The following FAM20B variants were observed in gnomAD, a reference collection of about 807,000 sequenced individuals.
FAM20B encodes the protein glycosaminoglycan xylosylkinase.
Under a neutral mutation model 43.8 loss-of-function variants are expected in FAM20B, and 23 were observed. That is an observed-to-expected ratio of 0.53 (90% confidence interval 0.38 to 0.74). FAM20B has a LOEUF of 0.74. Ranked by LOEUF, FAM20B falls within the 30% of genes least tolerant of loss-of-function variation. The probability of loss-of-function intolerance (pLI) is 0.00; values close to 1 mark genes in which losing one functional copy is unlikely to be tolerated. For synonymous variants in FAM20B, 178 were observed against 192.4 expected (o/e 0.93, Z 0.62); for missense variants, 440 against 510.5 (o/e 0.86, Z 1.33).
the FAM20B span, among the ~76,000 whole-genome samples, chr1:179,020,303 T>C: frequency 6.6e-6 from 1 of 152,176 alleles, no homozygotes; most frequent in Non-Finnish European, 1.5e-5. Flanking sequence ...TTTCCCTTCA[T>C]GCCTGACAGC....
In FAM20B at chr1:179,054,613, G is replaced by C. The variant is rs745645111; in HGVS notation, c.549G>C (p.Gln183His). 15 of 1,610,878 alleles carry C rather than the reference G, an allele frequency of 9.3e-6. No individual in the cohort carries two copies. Among genetic ancestry groups the C allele is most frequent in the Non-Finnish European group, 1.7e-6 (2 of 1,177,494 alleles). Residue 183 changes from glutamine (Q) to histidine (H), a missense_variant, in exon 4 of 8, where the codon CAG (glutamine) becomes CAC (histidine). By Grantham distance (24) the Gln-to-His change is conservative. Coordinates refer to ENST00000263733, the MANE Select transcript of FAM20B (RefSeq NM_014864.4). ...RTEIKPVATE[Q>H]LLSTFLTVGN... is the part of the protein sequence containing the mutation. ...AGATCAAACCTGTCGCCACAGAGCAGCTGTTGAGCACCTTCCTAACTGTAG... is the reference window on the plus strand; with the variant it reads ...AGATCAAACCTGTCGCCACAGAGCACCTGTTGAGCACCTTCCTAACTGTAG...
chr1:179,048,226 A>G (rs757039320), intron 2 of FAM20B, among the ~76,000 whole-genome samples: 30 of 152,216 alleles, frequency 2.0e-4, no homozygotes, highest in African/African-American at 4.1e-4. Context: ...CTCAGGAAGT[A>G]CTAAAAGGGA....
At chr1:179,026,134 C>T (rs1649759355) in intron 1 of FAM20B, 36 bp downstream of exon 1, 1 of 146,246 alleles carries the variant, frequency 6.8e-6, no homozygotes, top group African/African-American at 2.5e-5. Context: ...GCGCGCGACC[C>T]CCGCCCCCGG....
At chr1:179,071,694 G>GTA (rs1651930028) in intron 7 of FAM20B, among the ~76,000 whole-genome samples, 1 of 152,176 alleles carries the variant, frequency 6.6e-6, no homozygotes, top group African/African-American at 2.4e-5. Flanking sequence ...GTGAACATGT[G>GTA]TGTAAATCTC....
upstream of FAM20B, among the ~76,000 whole-genome samples, chr1:179,024,674 C>A (rs1033279068): frequency 1.3e-5 from 2 of 152,236 alleles, no homozygotes. Flanking sequence ...TTAATGCTGC[C>A]TCCCTAACTA....
chr1:179,064,563 A>G, intron 6 of FAM20B, 67 bp downstream of exon 6: 1 of 1,252,718 alleles, frequency 8.0e-7, no homozygotes, highest in East Asian at 2.4e-5. Context: ...CATTTTCCAG[A>G]GCATCCTGGA....
intron 3 of FAM20B, among the ~76,000 whole-genome samples, chr1:179,052,601 T>A (rs6425516): frequency 6.6e-6 from 1 of 151,650 alleles, no homozygotes; most frequent in African/African-American, 2.4e-5. Flanking sequence ...GAATACAAAA[T>A]TCAAAGATAT....
chr1:179,050,757 C>CAT (rs1245561101), intron 3 of FAM20B, among the ~76,000 whole-genome samples: 4 of 152,154 alleles, frequency 2.6e-5, no homozygotes, highest in African/African-American at 9.7e-5. Context: ...GTGCTGGAAA[C>CAT]ATATAGCATG....
chr1:179,062,023 T>G (rs1651484257), intron 4 of FAM20B, among the ~76,000 whole-genome samples: 1 of 151,934 alleles, frequency 6.6e-6, no homozygotes, highest in African/African-American at 2.4e-5. Context: ...CCTTTTTTTT[T>G]TGAGATGGAG....
chr1:179,047,242 T>C (rs756914533), intron 2 of FAM20B, among the ~76,000 whole-genome samples: 1 of 152,126 alleles, frequency 6.6e-6, no homozygotes, highest in Non-Finnish European at 1.5e-5. Context: ...CTTCATCTTA[T>C]ATCTCTTACT....
chr1:179,022,435 G>A (rs1649619025), upstream of FAM20B, among the ~76,000 whole-genome samples: 1 of 152,144 alleles, frequency 6.6e-6, no homozygotes, highest in Non-Finnish European at 1.5e-5. Flanking sequence ...TGTTGCCTAG[G>A]TTAAAAGAAA....
At chr1:179,047,410 A>G (rs964955018) in intron 2 of FAM20B, among the ~76,000 whole-genome samples, 1 of 152,102 alleles carries the variant, frequency 6.6e-6, no homozygotes, top group African/African-American at 2.4e-5. Context: ...CCCAGCCTCC[A>G]CAGCCTAAGG....
intron 1 of FAM20B, among the ~76,000 whole-genome samples, chr1:179,029,623 C>T (rs1223311285): frequency 6.6e-6 from 1 of 152,170 alleles, no homozygotes; most frequent in African/African-American, 2.4e-5. Context: ...GGCAAGATAA[C>T]CCCTTTAGAG....
chr1:179,063,624 A>G (rs1392554177), intron 4 of FAM20B, among the ~76,000 whole-genome samples: 1 of 152,156 alleles, frequency 6.6e-6, no homozygotes, highest in Non-Finnish European at 1.5e-5. Context: ...ACAAACAAAA[A>G]GTGAATTTGA....
chr1:179,058,667 A>T (rs1325766345), intron 4 of FAM20B, among the ~76,000 whole-genome samples: 1 of 152,242 alleles, frequency 6.6e-6, no homozygotes, highest in African/African-American at 2.4e-5. Context: ...GAAAAATCAG[A>T]TTTGAATTTC....
Position 179,054,594 on chromosome 1 carries a change from A to G in FAM20B, c.530A>G (p.Lys177Arg). The G allele has an allele frequency of 1.9e-6, 3 of 1,613,104 alleles. No individual in the cohort carries two copies. Among genetic ancestry groups the G allele is most frequent in the Non-Finnish European group, 2.5e-6 (3 of 1,179,238 alleles). The change falls in exon 4 of 8, where the codon AAA (lysine) becomes AGA (arginine). Residue 177 changes from lysine (K) to arginine (R), a missense_variant. Physicochemically the swap from Lys to Arg is conservative, Grantham distance 26 (BLOSUM62 2). Transcript: ENST00000263733. ...GRFVNLRTEI[K>R]PVATEQLLST... Reference sequence around the variant, plus strand: ...TTTGTTAATCTTCGGACAGAGATCAAACCTGTCGCCACAGAGCAGCTGTTG... The same window carrying G: ...TTTGTTAATCTTCGGACAGAGATCAGACCTGTCGCCACAGAGCAGCTGTTG...
intron 3 of FAM20B, among the ~76,000 whole-genome samples, chr1:179,050,667 A>G (rs1650968445): frequency 6.6e-6 from 1 of 152,194 alleles, no homozygotes; most frequent in African/African-American, 2.4e-5. Flanking sequence ...TCTGAATTGA[A>G]CTGGTCGTTA....
At chr1:179,039,499 G>A (rs1021180573) in intron 1 of FAM20B, among the ~76,000 whole-genome samples, 8 of 152,192 alleles carry the variant, frequency 5.3e-5, no homozygotes, top group East Asian at 1.9e-4. Context: ...TCTGCTAATA[G>A]CTAGATGGTA....
chr1:179,069,840 A>AG (rs1272979709), intron 7 of FAM20B, among the ~76,000 whole-genome samples: 1 of 152,230 alleles, frequency 6.6e-6, no homozygotes, highest in African/African-American at 2.4e-5. Context: ...TTTATGCAGC[A>AG]GTCTTTCTTA....
Sources: gnomAD v4.1 joint callset for allele counts (sites outside exome capture counted in the v4.1 genomes callset) on GRCh38, gnomAD v4.1.1 for gene constraint, MANE v1.5 for transcripts, NCBI Gene and HGNC (gene_info 2026-07-23, HGNC 2026-07-21) for gene names.